Variants in UBR4 observed in about 807,000 individuals in gnomAD.
UBR4 encodes the protein ubiquitin protein ligase E3 component n-recognin 4.
A neutral mutation model predicts 575.6 loss-of-function variants in UBR4; 124 were observed. The observed-to-expected ratio is 0.22, with a 90% CI of 0.19 to 0.25. UBR4 has a LOEUF of 0.25. Ranked by LOEUF, UBR4 falls within the 10% of genes least tolerant of loss-of-function variation. The pLI is 1.00. For synonymous variants in UBR4, 2,455 were observed against 2,473.7 expected (o/e 0.99, Z 0.22); for missense variants, 4,818 against 6,478.8 (o/e 0.74, Z 8.80).
Position 19,094,094 on chromosome 1 carries a change from A to G in UBR4, c.13792T>C (p.Leu4598=). The change falls in exon 95 of 106, where the codon TTG becomes CTG. Residue 4598 remains leucine (L), a synonymous_variant. Transcript: ENST00000375254. ...ACAAAGGTGCTGTTGATCTGGTCCA[A>G]GAGCATCACCAGTTGATCCTTGTCA... ...TGDKDQLVML[L]DQINSTFVRS... 6.2e-7 allele frequency: 1 copy of G among 1,614,064 alleles called. No homozygotes were observed. The highest frequency in any genetic ancestry group is 8.5e-7 in the Non-Finnish European group (1 of 1,180,000).
chr1:19,108,382 A>G (rs900236356), intron 81 of UBR4, among the ~76,000 whole-genome samples: 1 of 151,980 alleles, frequency 6.6e-6, no homozygotes, highest in African/African-American at 2.4e-5. Flanking sequence ...TTTGCCCATC[A>G]GCCATTTTTT....
intron 2 of UBR4, among the ~76,000 whole-genome samples, chr1:19,199,965 T>A (rs2092665725): frequency 6.6e-6 from 1 of 152,216 alleles, no homozygotes; most frequent in African/African-American, 2.4e-5. Context: ...ATAACTATAA[T>A]AGGAAATACT....
chr1:19,128,937 C>A, intron 61 of UBR4, 41 bp downstream of exon 61: 1 of 1,580,186 alleles, frequency 6.3e-7, no homozygotes, highest in Non-Finnish European at 8.7e-7. Flanking sequence ...AAGGACGGTC[C>A]AATCATGACC....
chr1:19,167,228 C>A lies in UBR4; in HGVS notation c.3903G>T (p.Trp1301Cys). 6.2e-7 allele frequency: 1 copy of A among 1,614,160 alleles called. No individual in the cohort carries two copies. The highest frequency in any genetic ancestry group is 8.5e-7 in the Non-Finnish European group (1 of 1,180,012). ...CCTGTGGTGGGTTCATCTCATCTGA[C>A]CAACTTCAGCAAAGAAAATGAAATC... Reference protein sequence around the residue: ...LVRLTGDLIVWSDEMNPPQVI... With the variant: ...LVRLTGDLIVCSDEMNPPQVI... The change falls in exon 29 of 106, where the codon TGG (tryptophan) becomes TGT (cysteine). Residue 1301 changes from tryptophan (W) to cysteine (C), a missense_variant. This residue lies in a region of UBR4 where 1,172 missense variants were observed against 1,259.7 expected (regional missense o/e 0.93). Transcript: ENST00000375254.
Position 19,105,796 on chromosome 1 carries a change from G to A in UBR4, c.12440C>T (p.Thr4147Ile), listed in dbSNP as rs141707424. 4 of 1,610,810 alleles carry A rather than the reference G, an allele frequency of 2.5e-6. No homozygotes were observed. In the Admixed American group the frequency reaches 6.8e-5, roughly 27 times the overall value. ...AATGGTGGCTAGAGCTTCCACAATG[G>A]TACAGGCTGCCTGCCGTGCGGCCTG... is the stretch of plus-strand genomic sequence containing the variant. ...ATQAARQAAC[T>I]IVEALATIPS... Residue 4147 changes from threonine (T) to isoleucine (I), a missense_variant, in exon 84 of 106, where the codon ACC (threonine) becomes ATC (isoleucine). By Grantham distance (89) the Thr-to-Ile change is moderately conservative. Coordinates refer to ENST00000375254, the MANE Select transcript of UBR4 (RefSeq NM_020765.3).
intron 65 of UBR4, among the ~76,000 whole-genome samples, chr1:19,124,203 A>G (rs2081484742): frequency 6.6e-6 from 1 of 152,250 alleles, no homozygotes; most frequent in East Asian, 1.9e-4. Context: ...GTTGTCCAAC[A>G]GCATTTACCC....
Position 19,106,588 on chromosome 1 carries a change from T to C in UBR4, c.12374A>G (p.His4125Arg). 1 of 1,577,338 alleles carries C rather than the reference T, an allele frequency of 6.3e-7. No individual in the cohort carries two copies. The highest frequency in any genetic ancestry group is 1.2e-5 in the South Asian group (1 of 83,540). Residue 4125 changes from histidine (H) to arginine (R), a missense_variant, in exon 83 of 106, where the codon CAT (histidine) becomes CGT (arginine). Physicochemically the swap from His to Arg is conservative, Grantham distance 29. Around this residue, in one of 29 missense-constraint regions of UBR4, gnomAD observed 178 missense variants for 175.5 expected, o/e 1.01. Transcript: ENST00000375254. The part of the protein sequence containing the change: ...RTSPLDLKLG[H>R]NNWLRQVLFT... ...ACTCACTTGTCGCAGCCAGTTGTTA[T>C]GCCCCAGTTTGAGATCCAAGGGGGA...
intron 40 of UBR4, 66 bp from the exon 41 acceptor site, chr1:19,156,991 C>A: frequency 6.5e-7 from 1 of 1,548,170 alleles, no homozygotes. Flanking sequence ...AAGCAAGTAA[C>A]AAAAACTCTT....
intron 39 of UBR4, 125 bp from the exon 40 acceptor site, chr1:19,158,122 TC>T: frequency 1.0e-6 from 1 of 988,242 alleles, no homozygotes; most frequent in Non-Finnish European, 1.5e-6. Flanking sequence ...GATTTCGGCC[TC>T]CAAACCGTGG....
At chr1:19,138,432 T>C (rs546589885) in intron 59 of UBR4, among the ~76,000 whole-genome samples, 44 of 152,344 alleles carry the variant, frequency 2.9e-4, no homozygotes, top group Admixed American at 7.8e-4. Context: ...CAGATGCTAA[T>C]ACATTTCTAT....
chr1:19,079,641 C>T (rs1291996793), intron 103 of UBR4: 1 of 152,324 alleles, frequency 6.6e-6, no homozygotes, highest in Non-Finnish European at 1.5e-5. Context: ...CAAAGCCTGC[C>T]GCCAGTGAGG....
chr1:19,197,355 A>G (rs2092519852), intron 7 of UBR4, 90 bp from the exon 8 acceptor site: 1 of 1,542,684 alleles, frequency 6.5e-7, no homozygotes, highest in Non-Finnish European at 8.8e-7. Context: ...TGGGCCCGGC[A>G]CAGTGGCTCA....
At chr1:19,131,305 T>G (rs2082426241) in intron 60 of UBR4, among the ~76,000 whole-genome samples, 1 of 151,084 alleles carries the variant, frequency 6.6e-6, no homozygotes, top group African/African-American at 2.4e-5. Context: ...TTCCTTTTCT[T>G]TAGTGACTTA....
At chr1:19,086,892 G>C in intron 99 of UBR4, 71 bp from the exon 100 acceptor site, 2 of 1,575,140 alleles carry the variant, frequency 1.3e-6, no homozygotes, top group Non-Finnish European at 1.7e-6. Flanking sequence ...CAGAATAGAG[G>C]GGAACTGCCG....
At position 19,074,703 on chromosome 1, in the gene UBR4, A is replaced by G; in HGVS notation, c.*129T>C. Reference sequence around the variant, plus strand: ...CTAAAAACCCCAAGCCACACCAAGAAAAATGAGAGAGGGGAGGGCGGGGTA... The same window carrying G: ...CTAAAAACCCCAAGCCACACCAAGAGAAATGAGAGAGGGGAGGGCGGGGTA... On this transcript the variant is annotated 3_prime_UTR_variant, in exon 106 of 106. Transcript: ENST00000375254. 9.1e-7 allele frequency: 1 copy of G among 1,103,276 alleles called. No homozygotes were observed. Among genetic ancestry groups the G allele is most frequent in the Non-Finnish European group, 1.3e-6 (1 of 748,922 alleles). The allele number at this position is 1,103,276 out of a possible 1,614,324, so 68.3% of individuals were successfully genotyped here.
rs2090602924 is a variant in UBR4 at position 19,179,122 on chromosome 1, C to T, written c.2283G>A (p.Leu761=). ...PQSLSVLSRL[L]LIWQHKASAQ... ...CACTGGCTTTATGTTGCCAGATGAG[C>T]AGGAGGCGTGAAAGCACAGAGAGGC... The change falls in exon 18 of 106, where the codon CTG becomes CTA. Residue 761 remains leucine (L), a synonymous_variant. Transcript: ENST00000375254. The T allele has an allele frequency of 6.2e-7, 1 of 1,613,912 alleles. No individual in the cohort carries two copies. The highest frequency in any genetic ancestry group is 1.1e-5 in the South Asian group (1 of 91,056).
chr1:19,198,441 A>T (rs1287916488), intron 5 of UBR4, 100 bp downstream of exon 5: 1 of 1,464,844 alleles, frequency 6.8e-7, no homozygotes, highest in African/African-American at 1.4e-5. Context: ...CATGTATATC[A>T]TTTTATATCA....
In UBR4 at chr1:19,101,534, T is replaced by C; in HGVS notation, c.13009A>G (p.Ser4337Gly). Residue 4337 changes from serine (S) to glycine (G), a missense_variant, in exon 88 of 106, where the codon AGC becomes GGC. Physicochemically the swap from Ser to Gly is moderately conservative, Grantham distance 56. This residue lies in a region of UBR4 where 105 missense variants were observed against 232.8 expected (regional missense o/e 0.45). Transcript: ENST00000375254. ...GCACTGCTTACAGGATAAATGATGC[T>C]GCAGAGCCTCTCGAAGATGAACACC... The part of the protein sequence containing the change: ...TPVFIFERLC[S>G]IIYPEENEVT... The C allele has an allele frequency of 6.2e-7, 1 of 1,613,640 alleles. No homozygotes were observed. The highest frequency in any genetic ancestry group is 8.5e-7 in the Non-Finnish European group (1 of 1,179,678).
At chr1:19,135,810 G>T (rs1222034724) in intron 60 of UBR4, among the ~76,000 whole-genome samples, 1 of 152,100 alleles carries the variant, frequency 6.6e-6, no homozygotes, top group African/African-American at 2.4e-5. Flanking sequence ...ATTAATAGAT[G>T]AGATTTTTCC....
Sources: allele counts gnomAD v4.1 joint callset (sites outside exome capture counted in the v4.1 genomes callset), GRCh38; gene constraint gnomAD v4.1.1; regional missense constraint gnomAD v4.1.1; transcripts MANE v1.5; gene names NCBI Gene and HGNC (gene_info 2026-07-23, HGNC 2026-07-21).